The following SIKE1 variants were observed in gnomAD, a reference collection of about 807,000 sequenced individuals.
SIKE1 encodes the protein suppressor of IKBKE 1.
Under a neutral mutation model 25.8 loss-of-function variants are expected in SIKE1, and 13 were observed. The ratio of observed to expected loss-of-function variants is 0.50; its 90% confidence interval spans 0.33 to 0.80. The LOEUF is 0.80. Ranked by LOEUF, SIKE1 falls within the 30% of genes least tolerant of loss-of-function variation. The pLI is 0.02. For missense variants in SIKE1, 222 were observed against 252.4 expected (o/e 0.88, Z 0.82); for synonymous variants, 86 against 95.5 (o/e 0.90, Z 0.58).
In SIKE1 at chr1:114,774,272, T is replaced by C; in HGVS notation, c.623A>G (p.Ter208=). ...CTCCAGCCATCATTCAGAGTTCAGT[T>C]ATTTGATGGCTTGGGAAGCAGTGTC... is the stretch of plus-strand genomic sequence containing the variant. ...SMDTASQAIK[*] Residue 208 remains the stop codon, a stop_retained_variant, in exon 5 of 5, where the codon TAA becomes TGA. Transcript: ENST00000060969. The C allele has an allele frequency of 6.2e-7, 1 of 1,607,408 alleles. No individual in the cohort carries two copies. Among genetic ancestry groups the C allele is most frequent in the Non-Finnish European group, 8.5e-7 (1 of 1,174,962 alleles).
chr1:114,774,501 C>G, intron 4 of SIKE1, 129 bp from the exon 5 acceptor site: 1 of 594,140 alleles, frequency 1.7e-6, no homozygotes, highest in Non-Finnish European at 2.9e-6. Context: ...ACAAAAAATC[C>G]ACTAGTTGAG....
chr1:114,779,884 T>C (rs146831106), intron 2 of SIKE1, among the ~76,000 whole-genome samples: 1 of 152,286 alleles, frequency 6.6e-6, no homozygotes, highest in Non-Finnish European at 1.5e-5. Flanking sequence ...AAATAAACCA[T>C]GCAATAATAC....
rs144580038 is a variant in SIKE1 at position 114,778,866 on chromosome 1, A to AAAACAAAC, written c.408+268_408+275dup. On this transcript the variant is annotated intron_variant, in intron 3 of 4. Coordinates refer to ENST00000060969, the MANE Select transcript of SIKE1 (RefSeq NM_025073.3). ...CATGGCGAAATGTCATCTCTACCAAAAAACAAACAAACAAACAAACAAACA... is the reference window on the plus strand; with the variant it reads ...CATGGCGAAATGTCATCTCTACCAAAAAACAAACAAACAAACAAACAAACAAACAAACA... 284 of 414,232 alleles carry AAAACAAAC rather than the reference A, an allele frequency of 6.9e-4. 3 individuals carry two copies. The highest frequency in any genetic ancestry group is 1.3e-3 in the Middle Eastern group (2 of 1,550). 25.7% of individuals were successfully genotyped at this position (414,232 alleles called of 1,614,324 possible).
chr1:114,774,379 A>G lies in SIKE1; in HGVS notation c.523-7T>C, dbSNP rs1019053892. On this transcript the variant is annotated splice_region_variant and splice_polypyrimidine_tract_variant and intron_variant, in intron 4 of 4. Transcript: ENST00000060969. ...GAAGTTCCTTATTTTCAAGCTGGAAAAAAAAAGGCATGTTTATTTCTGGTA... is the reference window on the plus strand; with the variant it reads ...GAAGTTCCTTATTTTCAAGCTGGAAGAAAAAAGGCATGTTTATTTCTGGTA... The G allele has an allele frequency of 6.3e-6, 10 of 1,591,680 alleles. No individual in the cohort carries two copies. The highest frequency in any genetic ancestry group is 1.1e-5 in the South Asian group (1 of 89,380).
intron 1 of SIKE1, 47 bp downstream of exon 1, chr1:114,780,402 T>A: frequency 6.2e-7 from 1 of 1,610,170 alleles, no homozygotes; most frequent in Non-Finnish European, 8.5e-7. Context: ...TCTCCACCCT[T>A]CAGTGCCCAG....
At position 114,769,750 on chromosome 1, in the gene SIKE1, C is replaced by G. The variant is rs530089380; in HGVS notation, c.*4521G>C. On this transcript the variant is annotated 3_prime_UTR_variant, in exon 5 of 5. Coordinates refer to ENST00000060969, the MANE Select transcript of SIKE1 (RefSeq NM_025073.3). ...TAGGTCTTTCTACATTCGAACAAAT[C>G]TATTAAAAAGAGAGCGGGGGGGTCG... 2.6e-5 allele frequency: 4 copies of G among 152,108 alleles called. No homozygotes were observed. The highest frequency in any genetic ancestry group is 7.2e-5 in the African/African-American group (3 of 41,526). 9.4% of individuals were successfully genotyped at this position (152,108 alleles called of 1,614,324 possible). A position where few individuals can be genotyped will look rare whatever the true frequency, so the allele number is the denominator to read the frequency against.
rs1270910803 is a variant in SIKE1 at position 114,772,224 on chromosome 1, A to C, written c.*2047T>G. 1 of 152,180 alleles carries C rather than the reference A, an allele frequency of 6.6e-6. No homozygotes were observed. Among genetic ancestry groups the C allele is most frequent in the African/African-American group, 2.4e-5 (1 of 41,450 alleles). The allele number at this position is 152,180 out of a possible 1,614,324, so 9.4% of individuals were successfully genotyped here. On this transcript the variant is annotated 3_prime_UTR_variant, in exon 5 of 5. Transcript: ENST00000060969. ...CCTCATTTGACTTACTACTGAGTAA[A>C]ATTAGCTTATCTTCTCAAAATGCAG...
At chr1:114,774,675 ACT>A (rs1209767397) in intron 4 of SIKE1, among the ~76,000 whole-genome samples, 1 of 152,228 alleles carries the variant, frequency 6.6e-6, no homozygotes, top group African/African-American at 2.4e-5. Flanking sequence ...TAAGGAATTC[ACT>A]GTTATATTCT....
chr1:114,776,594 C>A, intron 3 of SIKE1, 135 bp from the exon 4 acceptor site: 2 of 643,720 alleles, frequency 3.1e-6, no homozygotes, highest in South Asian at 1.8e-5. Context: ...AGTTTCCCTA[C>A]AATTTTAGTC....
intron 4 of SIKE1, among the ~76,000 whole-genome samples, chr1:114,775,580 C>G (rs1662214858): frequency 6.7e-6 from 1 of 149,892 alleles, no homozygotes; most frequent in Non-Finnish European, 1.5e-5. Flanking sequence ...GATCGTGGCT[C>G]ACTGCAGCCT....
chr1:114,780,465 G>A lies in SIKE1; in HGVS notation c.143C>T (p.Thr48Ile). Residue 48 changes from threonine (T) to isoleucine (I), a missense_variant, in exon 1 of 5, where the codon ACA (threonine) becomes ATA (isoleucine). By Grantham distance (89) the Thr-to-Ile change is moderately conservative (BLOSUM62 -1). Transcript: ENST00000060969. ...RRVAAMREAGTALPDQYQEDA... is the reference protein window; with the variant it reads ...RRVAAMREAGIALPDQYQEDA... ...CTGCCTGACCTGGTCCGGAAGCGCTGTCCCCGCCTCCCGCATAGCTGCTAC... is the reference window on the plus strand; with the variant it reads ...CTGCCTGACCTGGTCCGGAAGCGCTATCCCCGCCTCCCGCATAGCTGCTAC... The A allele has an allele frequency of 1.9e-6, 3 of 1,613,054 alleles. No individual in the cohort carries two copies. Among genetic ancestry groups the A allele is most frequent in the Non-Finnish European group, 2.5e-6 (3 of 1,180,030 alleles).
At chr1:114,779,059 C>T in intron 3 of SIKE1, 83 bp downstream of exon 3, 1 of 1,558,240 alleles carries the variant, frequency 6.4e-7, no homozygotes, top group Non-Finnish European at 8.8e-7. Context: ...CCCTATCTCA[C>T]AAAGCAAAAA....
Position 114,779,188 on chromosome 1 carries a change from G to A in SIKE1, c.362C>T (p.Ala121Val), listed in dbSNP as rs1192203713. 3.7e-6 allele frequency: 6 copies of A among 1,614,148 alleles called. No individual in the cohort carries two copies. The East Asian group carries it at 1.1e-4, about 30-fold the overall frequency. Residue 121 changes from alanine to valine, a missense_variant, in exon 3 of 5, where the codon GCG becomes GTG. Physicochemically the swap from Ala to Val is moderately conservative, Grantham distance 64. Transcript: ENST00000060969. The part of the protein sequence containing the change: ...QMLQLMVAKK[A>V]VDAEPVLKAH... ...TTTCAGGACTGGTTCAGCATCCACC[G>A]CTTTTTTAGCAACCATTAACTGTAA...
intron 3 of SIKE1, chr1:114,778,870 CAAA>C (rs1662324387): frequency 2.6e-6 from 1 of 377,902 alleles, no homozygotes; most frequent in Non-Finnish European, 4.8e-6. Context: ...TACCAAAAAA[CAAA>C]CAAACAAACA....
chr1:114,774,987 G>T (rs1026876488), intron 4 of SIKE1, among the ~76,000 whole-genome samples: 12 of 152,170 alleles, frequency 7.9e-5, no homozygotes, highest in Admixed American at 7.2e-4. Context: ...ATGTGGTATT[G>T]CTGGGGTCTG....
chr1:114,772,846 T>C lies in SIKE1; in HGVS notation c.*1425A>G, dbSNP rs1416963280. 6.6e-6 allele frequency: 1 copy of C among 152,198 alleles called. No homozygotes were observed. The highest frequency in any genetic ancestry group is 6.5e-5 in the Admixed American group (1 of 15,284). The allele number at this position is 152,198 out of a possible 1,614,324, so 9.4% of individuals were successfully genotyped here. A position where few individuals can be genotyped will look rare whatever the true frequency, so the allele number is the denominator to read the frequency against. On this transcript the variant is annotated 3_prime_UTR_variant, in exon 5 of 5. Coordinates refer to ENST00000060969, the MANE Select transcript of SIKE1 (RefSeq NM_025073.3). ...AAAATTCTTAAATGACATATACCTA[T>C]TCATTAACACCCACTGCTCTAGATG...
At position 114,772,098 on chromosome 1, in the gene SIKE1, T is replaced by C. The variant is rs988430477; in HGVS notation, c.*2173A>G. ...ATATAAGGTACTATTTGTAGAGTTA[T>C]ACACTGCTGAATATACTGTGCTAAT... On this transcript the variant is annotated 3_prime_UTR_variant, in exon 5 of 5. Transcript: ENST00000060969. 6.6e-6 allele frequency: 1 copy of C among 152,206 alleles called. No individual in the cohort carries two copies. The highest frequency in any genetic ancestry group is 6.5e-5 in the Admixed American group (1 of 15,276). 9.4% of individuals were successfully genotyped at this position (152,206 alleles called of 1,614,324 possible).
chr1:114,778,416 A>G (rs371046609), intron 3 of SIKE1, among the ~76,000 whole-genome samples: 1 of 152,324 alleles, frequency 6.6e-6, no homozygotes, highest in African/African-American at 2.4e-5. Flanking sequence ...GTCAGGTACT[A>G]TGTTAGGAAT....
chr1:114,779,371 A>G (rs916768612), intron 2 of SIKE1, 87 bp from the exon 3 acceptor site: 6 of 1,264,896 alleles, frequency 4.7e-6, no homozygotes, highest in African/African-American at 1.5e-5. Flanking sequence ...TTGTAACACT[A>G]TATAGATAAT....
Sources: gnomAD v4.1 joint callset for allele counts (sites outside exome capture counted in the v4.1 genomes callset) on GRCh38, gnomAD v4.1.1 for gene constraint, MANE v1.5 for transcripts, NCBI Gene and HGNC (gene_info 2026-07-23, HGNC 2026-07-21) for gene names.